The following GNG4 variants were observed in gnomAD, a reference collection of about 807,000 sequenced individuals.
GNG4 encodes G protein subunit gamma 4.
A neutral mutation model predicts 5.8 loss-of-function variants in GNG4; 4 were observed. The ratio of observed to expected loss-of-function variants is 0.69; its 90% CI spans 0.34 to 1.57. GNG4 has a LOEUF of 1.57. GNG4 is among the 40% of genes most tolerant of loss of function. The pLI is 0.06. For synonymous variants in GNG4, 29 were observed against 32.9 expected, an observed-to-expected ratio of 0.88 and a Z score of 0.41; for missense variants, 96 against 95.1, an observed-to-expected ratio of 1.01 and a Z score of -0.04.
intron 3 of GNG4, among the ~76,000 whole-genome samples, chr1:235,565,455 G>C (rs1687170975): frequency 6.6e-6 from 1 of 152,220 alleles, no homozygotes; most frequent in South Asian, 2.1e-4. Context: ...AGTGAGCCGA[G>C]ATCGTGCCAC....
intron 1 of GNG4, among the ~76,000 whole-genome samples, chr1:235,627,042 A>ACT (rs2102980383): frequency 6.9e-6 from 1 of 145,080 alleles, no homozygotes; most frequent in Middle Eastern, 3.8e-3. Flanking sequence ...GGACTGGGAG[A>ACT]CTTTCTCATG....
At chr1:235,563,361 G>A (rs757717253) in intron 3 of GNG4, among the ~76,000 whole-genome samples, 16 of 118,398 alleles carry the variant, frequency 1.4e-4, no homozygotes, top group East Asian at 3.0e-4. Context: ...AGCAGAGATC[G>A]CCCCACGGCA....
At chr1:235,616,231 G>C in intron 1 of GNG4, 1 of 513,930 alleles carries the variant, frequency 1.9e-6, no homozygotes. Context: ...GAATGTTCTT[G>C]AATATTGCTG....
intron 1 of GNG4, among the ~76,000 whole-genome samples, chr1:235,597,079 C>T (rs1050558363): frequency 2.0e-5 from 3 of 152,072 alleles, no homozygotes; most frequent in Non-Finnish European, 4.4e-5. Context: ...TAGCCCTGTT[C>T]GCCTTCCCTT....
intron 3 of GNG4, among the ~76,000 whole-genome samples, chr1:235,563,201 T>G (rs1431622399): frequency 1.3e-5 from 2 of 151,610 alleles, no homozygotes; most frequent in African/African-American, 4.8e-5. Context: ...GGTGGGCGGG[T>G]CACTTAAGGT....
chr1:235,577,077 C>T (rs547722553), intron 3 of GNG4, among the ~76,000 whole-genome samples: 3 of 152,308 alleles, frequency 2.0e-5, no homozygotes, highest in Admixed American at 6.5e-5. Context: ...TTTTCCTGGG[C>T]GGCAAATGCC....
chr1:235,590,785 G>A (rs1488814742), intron 2 of GNG4, among the ~76,000 whole-genome samples: 4 of 152,146 alleles, frequency 2.6e-5, no homozygotes, highest in Admixed American at 6.5e-5. Context: ...ATTCTGGCCC[G>A]TACCAAAGGA....
intron 2 of GNG4, among the ~76,000 whole-genome samples, chr1:235,586,920 G>C (rs17547702): frequency 0.14 from 21,443 of 152,096 alleles, 1,774 homozygotes; most frequent in Middle Eastern, 0.24. Flanking sequence ...ACCCTACAGT[G>C]ACTGCCTTCA....
chr1:235,584,631 C>T (rs1050134534), intron 2 of GNG4, among the ~76,000 whole-genome samples: 1 of 149,038 alleles, frequency 6.7e-6, no homozygotes. Flanking sequence ...ATTGATGCCC[C>T]GTGACTAAGA....
chr1:235,585,692 C>T (rs942189938), intron 2 of GNG4, among the ~76,000 whole-genome samples: 18 of 152,106 alleles, frequency 1.2e-4, no homozygotes, highest in Admixed American at 2.0e-4. Context: ...CATATATTTA[C>T]GGGCATTTAC....
rs560588200 is a variant in GNG4, at chr1:235,558,488, G to A, written c.100-6251C>T. On this transcript the variant is annotated intron_variant, in intron 3 of 3. Coordinates refer to ENST00000391854, the MANE Select transcript of GNG4 (RefSeq NM_001098722.2). ...ATGAGCCTGACACATGAAAGGTGGC[G>A]TCCCAACAAATAGCTCAGTATCCAG... Among the ~76,000 whole-genome samples, 21 of 152,284 alleles carry A rather than the reference G, an allele frequency of 1.4e-4. No individual in the cohort carries two copies. In the South Asian group the frequency reaches 2.1e-3, roughly 15 times the overall value.
intron 1 of GNG4, among the ~76,000 whole-genome samples, chr1:235,638,875 TG>T (rs34027514): frequency 0.53 from 79,622 of 151,648 alleles, 23,288 homozygotes; most frequent in East Asian, 0.85. Context: ...ATGGTGTATA[TG>T]TGCCACATTT....
At chr1:235,605,223 C>T (rs1688334029) in intron 1 of GNG4, among the ~76,000 whole-genome samples, 1 of 149,780 alleles carries the variant, frequency 6.7e-6, no homozygotes, top group Non-Finnish European at 1.5e-5. Context: ...TGGAGTCTCA[C>T]TGTGTTGCCC....
chr1:235,623,351 T>C (rs1441928361), intron 1 of GNG4, among the ~76,000 whole-genome samples: 1 of 152,146 alleles, frequency 6.6e-6, no homozygotes, highest in Non-Finnish European at 1.5e-5. Context: ...CGGCCACCGC[T>C]GCAGCCCTGC....
At position 235,644,148 on chromosome 1, in the gene GNG4, G is replaced by A. The variant is rs908891125; in HGVS notation, c.-123+5514C>T. On this transcript the variant is annotated intron_variant, in intron 1 of 3. Transcript: ENST00000391854. The surrounding 1 kb of genome is among the most constrained non-coding windows in gnomAD (Gnocchi z 5.9). ...CCTTCCAGAGACAGGGCTGGGTGGC[G>A]GGAACGCGGGCACCCAGAGGTCCAG... Among the ~76,000 whole-genome samples, 4 of 152,148 alleles carry A rather than the reference G, an allele frequency of 2.6e-5. No homozygotes were observed. The highest frequency in any genetic ancestry group is 7.2e-5 in the African/African-American group (3 of 41,414).
intron 1 of GNG4, among the ~76,000 whole-genome samples, chr1:235,623,285 C>T (rs1688745169): frequency 6.6e-6 from 1 of 152,162 alleles, no homozygotes. Context: ...GGTTCCCTTT[C>T]CCCAGTTCCT....
intron 3 of GNG4, among the ~76,000 whole-genome samples, chr1:235,575,495 C>T (rs182335665): frequency 8.5e-5 from 13 of 152,284 alleles, no homozygotes; most frequent in Admixed American, 8.5e-4. Flanking sequence ...GCAGGCCCAA[C>T]AATATATTGA....
intron 1 of GNG4, chr1:235,616,278 A>G: frequency 4.3e-6 from 2 of 469,016 alleles, no homozygotes; most frequent in South Asian, 1.7e-5. Context: ...GAGGTCTGCC[A>G]AGAGGATGGG....
chr1:235,554,789 G>A (rs1240659940), intron 3 of GNG4, among the ~76,000 whole-genome samples: 1 of 144,210 alleles, frequency 6.9e-6, no homozygotes. Context: ...AAGTTGCAAT[G>A]AGCTGAGATT....
Sources: gnomAD v4.1 joint callset for allele counts (sites outside exome capture counted in the v4.1 genomes callset) on GRCh38, gnomAD v4.1.1 for gene constraint, Gnocchi (gnomAD v3.1) non-coding constraint, MANE v1.5 for transcripts, NCBI Gene and HGNC (gene_info 2026-07-23, HGNC 2026-07-21) for gene names.